Variants in BCAS3 observed in about 807,000 individuals in gnomAD.
The protein encoded by BCAS3 is BCAS4/BCAS3 fusion.
A neutral mutation model predicts 116.1 loss-of-function variants in BCAS3; 53 were observed. The ratio of observed to expected loss-of-function variants is 0.46; its 90% CI spans 0.37 to 0.57. The LOEUF (loss-of-function observed/expected upper bound fraction) is 0.57, where lower values mean the gene tolerates loss of function less well. Ranked by LOEUF, BCAS3 falls within the 20% of genes least tolerant of loss-of-function variation. The pLI is 0.00. For missense variants in BCAS3, 917 were observed against 1,165.4 expected, an observed-to-expected ratio of 0.79 and a Z score of 3.10; for synonymous variants, 391 against 408.2, an observed-to-expected ratio of 0.96 and a Z score of 0.51.
chr17:61,352,050 A>G lies in BCAS3; in HGVS notation c.2426-16277A>G, dbSNP rs1322533658. 6.6e-6 allele frequency among the ~76,000 whole-genome samples: 1 copy of G among 152,142 alleles called. No homozygotes were observed. Among genetic ancestry groups the G allele is most frequent in the Non-Finnish European group, 1.5e-5 (1 of 68,014 alleles). On this transcript the variant is annotated intron_variant, in intron 22 of 23. Transcript: ENST00000407086. This position sits in a 1 kb window ranked among gnomAD's most constrained non-coding sequence, Gnocchi z 4.7. ...ACTTCTTTACCTATTTTTTTCCCCA[A>G]TCTGAGGGATACAAGAAAACTATTC...
In BCAS3 at chr17:61,313,672, G is replaced by A. The variant is rs1285688864; in HGVS notation, c.2426-54655G>A. ...CGCTGAAGAGGTACAGCATCTGGAG[G>A]AGGACTTTCCGGCCAGGGTACAGCT... On this transcript the variant is annotated intron_variant, in intron 22 of 23. Coordinates refer to ENST00000407086, the MANE Select transcript of BCAS3 (RefSeq NM_017679.5). This position sits in a 1 kb window ranked among gnomAD's most constrained non-coding sequence, Gnocchi z 4.3. Among the ~76,000 whole-genome samples the A allele has an allele frequency of 6.6e-6, 1 of 152,216 alleles. No homozygotes were observed. The highest frequency in any genetic ancestry group is 2.4e-5 in the African/African-American group (1 of 41,452).
At chr17:61,305,671 G>T (rs923889422) in intron 22 of BCAS3, among the ~76,000 whole-genome samples, 1 of 152,162 alleles carries the variant, frequency 6.6e-6, no homozygotes, top group African/African-American at 2.4e-5. Flanking sequence ...TGAGGCGGGC[G>T]GATCACCTGA....
chr17:61,015,145 A>G (rs2065366212), intron 15 of BCAS3, among the ~76,000 whole-genome samples: 1 of 152,242 alleles, frequency 6.6e-6, no homozygotes, highest in Non-Finnish European at 1.5e-5. Context: ...TGGGGGAACT[A>G]GCAGATTGTG....
At position 61,134,711 on chromosome 17, in the gene BCAS3, C is replaced by G. The variant is rs2076526579; in HGVS notation, c.2425+50147C>G. On this transcript the variant is annotated intron_variant, in intron 22 of 23. Transcript: ENST00000407086. The surrounding 1 kb of genome is among the most constrained non-coding windows in gnomAD (Gnocchi z 4.6). ...ATTATGTAATTATATTTACAAACAC[C>G]TCATTTAACCTTCAAAACAATCCTT... 6.6e-6 allele frequency among the ~76,000 whole-genome samples: 1 copy of G among 152,090 alleles called. No individual in the cohort carries two copies. The highest frequency in any genetic ancestry group is 2.1e-4 in the South Asian group (1 of 4,834).
At chr17:60,958,128 C>G (rs2061235321) in intron 14 of BCAS3, among the ~76,000 whole-genome samples, 1 of 152,148 alleles carries the variant, frequency 6.6e-6, no homozygotes, top group Non-Finnish European at 1.5e-5. Context: ...CTAGCAGTCT[C>G]CCTGAATTGA....
chr17:60,973,555 C>G (rs2062094496), intron 14 of BCAS3, among the ~76,000 whole-genome samples: 1 of 148,988 alleles, frequency 6.7e-6, no homozygotes, highest in African/African-American at 2.5e-5. Context: ...TGCCCTGCTG[C>G]TGCCCTAGAC....
In BCAS3 at chr17:61,032,121, C is replaced by T. The variant is rs1339951322; in HGVS notation, c.1638-2545C>T. On this transcript the variant is annotated intron_variant, in intron 16 of 23. Coordinates refer to ENST00000407086, the MANE Select transcript of BCAS3 (RefSeq NM_017679.5). The surrounding 1 kb of genome is among the most constrained non-coding windows in gnomAD (Gnocchi z 4.6). The stretch of plus-strand genomic sequence containing the variant: ...TTTATTATCATGTTAGAAAGTTTGC[C>T]ATCTGGCCTGGAAGCAACTATTTTT... 3.3e-5 allele frequency among the ~76,000 whole-genome samples: 5 copies of T among 152,066 alleles called. No individual in the cohort carries two copies. The highest frequency in any genetic ancestry group is 3.2e-3 in the Middle Eastern group (1 of 316).
chr17:61,087,132 C>A lies in BCAS3; in HGVS notation c.2425+2568C>A. 1 of 985,138 alleles carries A rather than the reference C, an allele frequency of 1.0e-6. No homozygotes were observed. Among genetic ancestry groups the A allele is most frequent in the African/African-American group, 1.7e-5 (1 of 57,316 alleles). The allele number at this position is 985,138 out of a possible 1,614,324, so 61.0% of individuals were successfully genotyped here. On this transcript the variant is annotated intron_variant, in intron 22 of 23. Transcript: ENST00000407086. The surrounding 1 kb of genome is among the most constrained non-coding windows in gnomAD (Gnocchi z 4.6). Reference sequence around the variant, plus strand: ...AGAATCTAATAAATTTTTATAATTGCTCTTGAACCGGGAAGTGCACCTCTG... The same window carrying A: ...AGAATCTAATAAATTTTTATAATTGATCTTGAACCGGGAAGTGCACCTCTG...
In BCAS3 at chr17:61,019,108, AGT is replaced by A. The variant is rs1014270893; in HGVS notation, c.1637+3208_1637+3209del. Among the ~76,000 whole-genome samples the A allele has an allele frequency of 1.3e-5, 2 of 152,212 alleles. No individual in the cohort carries two copies. The highest frequency in any genetic ancestry group is 4.8e-5 in the African/African-American group (2 of 41,452). ...AACCCCTGGGCCACAGACTGGTGCT[AGT>A]CCCTGGCCTGTTAGGAACTGAGCCG... is the stretch of plus-strand genomic sequence containing the variant. On this transcript the variant is annotated intron_variant, in intron 16 of 23. Coordinates refer to ENST00000407086, the MANE Select transcript of BCAS3 (RefSeq NM_017679.5). The surrounding 1 kb of genome is among the most constrained non-coding windows in gnomAD (Gnocchi z 5.6).
rs2145582075 is a variant in BCAS3, at chr17:61,029,671, C to A, written c.1638-4995C>A. 6.6e-6 allele frequency among the ~76,000 whole-genome samples: 1 copy of A among 151,932 alleles called. No homozygotes were observed. Among genetic ancestry groups the A allele is most frequent in the African/African-American group, 2.4e-5 (1 of 41,486 alleles). On this transcript the variant is annotated intron_variant, in intron 16 of 23. Coordinates refer to ENST00000407086, the MANE Select transcript of BCAS3 (RefSeq NM_017679.5). This position sits in a 1 kb window ranked among gnomAD's most constrained non-coding sequence, Gnocchi z 5.2. The stretch of plus-strand genomic sequence containing the variant: ...TCAAAAAACATACATGACAGGTAGA[C>A]AATGGGTAGTCCATATAAGTATATT...
intron 22 of BCAS3, among the ~76,000 whole-genome samples, chr17:61,089,733 T>C (rs2073392866): frequency 6.6e-6 from 1 of 151,822 alleles, no homozygotes; most frequent in South Asian, 2.1e-4. Context: ...GGTTTCACCA[T>C]GTTGGCTAGG....
At chr17:61,049,863 G>T (rs543890322) in intron 19 of BCAS3, among the ~76,000 whole-genome samples, 1 of 151,368 alleles carries the variant, frequency 6.6e-6, no homozygotes, top group East Asian at 1.9e-4. Flanking sequence ...TTCTCAAGTA[G>T]CAGGGACCAC....
intron 19 of BCAS3, among the ~76,000 whole-genome samples, chr17:61,047,342 G>A (rs2068446102): frequency 6.6e-6 from 1 of 151,856 alleles, no homozygotes; most frequent in Non-Finnish European, 1.5e-5. Context: ...ATATGAAATT[G>A]GCATTTTTAA....
At position 60,693,017 on chromosome 17, in the gene BCAS3, C is replaced by T. The variant is rs141114190; in HGVS notation, c.214+3256C>T. 3.8e-3 allele frequency among the ~76,000 whole-genome samples: 577 copies of T among 151,906 alleles called. 16 individuals carry two copies. Among genetic ancestry groups the T allele is most frequent in the African/African-American group, 0.012 (478 of 41,274 alleles). On this transcript the variant is annotated intron_variant, in intron 4 of 23. Coordinates refer to ENST00000407086, the MANE Select transcript of BCAS3 (RefSeq NM_017679.5). ...TTTCCCAAGGAGAATCGCTTGAACGCAGGAGGTGGAGGTTGCCCGGCTAAT... is the reference window on the plus strand; with the variant it reads ...TTTCCCAAGGAGAATCGCTTGAACGTAGGAGGTGGAGGTTGCCCGGCTAAT...
At chr17:61,178,545 A>G (rs1290284135) in intron 22 of BCAS3, among the ~76,000 whole-genome samples, 1 of 152,200 alleles carries the variant, frequency 6.6e-6, no homozygotes, top group Non-Finnish European at 1.5e-5. Flanking sequence ...GATTAGGGCT[A>G]TCTGCTTCTG....
chr17:60,755,283 T>C (rs7503760), intron 6 of BCAS3, among the ~76,000 whole-genome samples: 110,296 of 152,056 alleles, frequency 0.73, 45,719 homozygotes, highest in South Asian at 0.98. Flanking sequence ...GTGAATTAAG[T>C]GAACTATATA....
intron 7 of BCAS3, among the ~76,000 whole-genome samples, chr17:60,857,015 A>G (rs1451698200): frequency 6.6e-6 from 1 of 152,180 alleles, no homozygotes; most frequent in Non-Finnish European, 1.5e-5. Context: ...CTTTATGGGT[A>G]TGGGTCAAAT....
At chr17:60,862,568 C>A (rs961857665) in intron 7 of BCAS3, among the ~76,000 whole-genome samples, 2 of 152,006 alleles carry the variant, frequency 1.3e-5, no homozygotes, top group Non-Finnish European at 2.9e-5. Context: ...GAAATTTATC[C>A]ATCTCTCCTA....
rs937235539 is a variant in BCAS3 at position 61,118,132 on chromosome 17, C to T, written c.2425+33568C>T. ...ATGATATGAATTGTACTTAAACCTT[C>T]GGTTTTAAGGGGCTTTCTCTGGTAT... is the stretch of plus-strand genomic sequence containing the variant. On this transcript the variant is annotated intron_variant, in intron 22 of 23. Coordinates refer to ENST00000407086, the MANE Select transcript of BCAS3 (RefSeq NM_017679.5). The surrounding 1 kb of genome is among the most constrained non-coding windows in gnomAD (Gnocchi z 5.0). Among the ~76,000 whole-genome samples the T allele has an allele frequency of 2.6e-5, 4 of 152,098 alleles. No homozygotes were observed. The highest frequency in any genetic ancestry group is 2.1e-4 in the South Asian group (1 of 4,822).
Sources: gnomAD v4.1 joint callset for allele counts (sites outside exome capture counted in the v4.1 genomes callset) on GRCh38, gnomAD v4.1.1 for gene constraint, Gnocchi (gnomAD v3.1) non-coding constraint, MANE v1.5 for transcripts, NCBI Gene and HGNC (gene_info 2026-07-23, HGNC 2026-07-21) for gene names.